Variants in CAST observed in about 807,000 individuals in gnomAD.
CAST encodes MIR583 host.
Under a neutral mutation model 119.6 loss-of-function variants are expected in CAST, and 76 were observed. The observed-to-expected ratio is 0.64, with a 90% CI of 0.53 to 0.77. The LOEUF is 0.77. Ranked by LOEUF, CAST falls within the 30% of genes least tolerant of loss-of-function variation. The pLI is 0.00. For missense variants in CAST, 953 were observed against 946.5 expected (o/e 1.01, Z -0.09); for synonymous variants, 319 against 331.6 (o/e 0.96, Z 0.41).
At chr5:96,041,078 G>A in the CAST span, among the ~76,000 whole-genome samples, 4 of 151,898 alleles carry the variant, frequency 2.6e-5, no homozygotes, top group Admixed American at 2.0e-4. Flanking sequence ...GAGATTCAAC[G>A]TCTTCCTGGT....
chr5:96,454,099 T>C, the CAST span, among the ~76,000 whole-genome samples: 114 of 152,292 alleles, frequency 7.5e-4, no homozygotes, highest in African/African-American at 2.5e-3. Context: ...TCTTTTTTTT[T>C]CCAACTGTCA....
chr5:96,342,722 T>C, the CAST span, among the ~76,000 whole-genome samples: 2 of 152,226 alleles, frequency 1.3e-5, no homozygotes, highest in African/African-American at 4.8e-5. Flanking sequence ...CTCCTTCTCA[T>C]TGAGATCACC....
At chr5:96,302,910 A>G in the CAST span, among the ~76,000 whole-genome samples, 1 of 152,222 alleles carries the variant, frequency 6.6e-6, no homozygotes, top group Non-Finnish European at 1.5e-5. Context: ...CCTGCCCCTT[A>G]CCCACTTCCA....
At chr5:96,522,552 T>C (rs1338716779), upstream of CAST, among the ~76,000 whole-genome samples, 7 of 152,198 alleles carry the variant, frequency 4.6e-5, no homozygotes, top group Admixed American at 2.6e-4. Context: ...AAAGAGACTT[T>C]AAGAAAATGT....
At chr5:96,009,843 G>A in the CAST span, among the ~76,000 whole-genome samples, 6 of 152,096 alleles carry the variant, frequency 3.9e-5, no homozygotes, top group Non-Finnish European at 7.4e-5. Flanking sequence ...ATTGCTGTTG[G>A]GCACTTAGTT....
the CAST span, among the ~76,000 whole-genome samples, chr5:96,326,695 ATTTTTTTTTTTTTT>A: frequency 4.2e-5 from 4 of 95,734 alleles, no homozygotes; most frequent in African/African-American, 1.6e-4. Flanking sequence ...ATGGCTTTTC[ATTTTTTTTTTTTTT>A]TTTTTTTTTT....
chr5:96,048,461 G>A, the CAST span, among the ~76,000 whole-genome samples: 3 of 152,042 alleles, frequency 2.0e-5, no homozygotes, highest in East Asian at 1.9e-4. Flanking sequence ...TTAAGGATTC[G>A]TTTTCATTTT....
At chr5:96,617,591 C>T (rs1009464499) in intron 1 of CAST, among the ~76,000 whole-genome samples, 2 of 151,632 alleles carry the variant, frequency 1.3e-5, no homozygotes, top group Non-Finnish European at 2.9e-5. Flanking sequence ...AGATCGAGAC[C>T]ATCCTGGCTA....
At chr5:96,206,773 C>T in the CAST span, among the ~76,000 whole-genome samples, 1 of 151,920 alleles carries the variant, frequency 6.6e-6, no homozygotes, top group Non-Finnish European at 1.5e-5. Context: ...TTAGGATTGT[C>T]GTGGCTATTT....
intron 2 of CAST, among the ~76,000 whole-genome samples, chr5:96,692,557 C>G (rs1239581739): frequency 6.6e-6 from 1 of 152,176 alleles, no homozygotes. Flanking sequence ...TCCTGCTTAC[C>G]AAGCCCATTC....
the CAST span, among the ~76,000 whole-genome samples, chr5:96,469,832 C>CAG: frequency 2.2e-5 from 3 of 137,340 alleles, no homozygotes; most frequent in Non-Finnish European, 4.8e-5. Context: ...GGGAGAAAGA[C>CAG]AGAGAGAGAG....
chr5:96,256,223 A>G, the CAST span, among the ~76,000 whole-genome samples: 1 of 148,424 alleles, frequency 6.7e-6, no homozygotes, highest in African/African-American at 2.4e-5. Flanking sequence ...CATATATATT[A>G]TATAAACATA....
At chr5:96,031,204 T>C in the CAST span, among the ~76,000 whole-genome samples, 1 of 141,512 alleles carries the variant, frequency 7.1e-6, no homozygotes, top group Non-Finnish European at 1.5e-5. Flanking sequence ...AGCCCAATTA[T>C]AGACTTTTTC....
At chr5:96,358,080 T>C in the CAST span, among the ~76,000 whole-genome samples, 1 of 152,314 alleles carries the variant, frequency 6.6e-6, no homozygotes, top group African/African-American at 2.4e-5. Flanking sequence ...TGTCCAGGAA[T>C]TTATCCATTT....
At chr5:96,387,479 C>T in the CAST span, among the ~76,000 whole-genome samples, 2 of 152,306 alleles carry the variant, frequency 1.3e-5, no homozygotes, top group Non-Finnish European at 2.9e-5. Flanking sequence ...AGTGGGCTTT[C>T]TTCCTTCTAA....
the CAST span, among the ~76,000 whole-genome samples, chr5:96,408,545 G>A: frequency 9.2e-5 from 14 of 152,212 alleles, no homozygotes; most frequent in African/African-American, 3.4e-4. Flanking sequence ...GCAGCAAGAT[G>A]CCTTTTCTGG....
the CAST span, among the ~76,000 whole-genome samples, chr5:96,363,742 C>A: frequency 6.6e-6 from 1 of 152,216 alleles, no homozygotes; most frequent in African/African-American, 2.4e-5. Context: ...TGGGCTAAGA[C>A]GGTGGGGTTT....
chr5:96,644,322 A>G (rs1310722552), intron 1 of CAST, among the ~76,000 whole-genome samples: 1 of 152,234 alleles, frequency 6.6e-6, no homozygotes, highest in Non-Finnish European at 1.5e-5. Context: ...CTCCAAGAAT[A>G]AGGCATTCAC....
At chr5:96,178,209 T>C in the CAST span, among the ~76,000 whole-genome samples, 1 of 152,166 alleles carries the variant, frequency 6.6e-6, no homozygotes, top group Non-Finnish European at 1.5e-5. Context: ...ATTATAAAAC[T>C]CACCTAAATA....
Sources: allele counts gnomAD v4.1 joint callset (sites outside exome capture counted in the v4.1 genomes callset), GRCh38; gene constraint gnomAD v4.1.1; transcripts MANE v1.5; gene names NCBI Gene and HGNC (gene_info 2026-07-23, HGNC 2026-07-21).